MAP4K3: variants seen among roughly 807,000 people sequenced by gnomAD.
MAP4K3 encodes the protein MAPK/ERK kinase kinase kinase 3.
In MAP4K3, 94 loss-of-function variants were observed where a neutral mutation model predicts 143.5. The observed-to-expected ratio is 0.65, with a 90% CI of 0.55 to 0.78. The LOEUF is 0.78. Among genes scored for constraint, MAP4K3 ranks in the 30% least tolerant of loss-of-function variants. MAP4K3 has a pLI of 0.00. For synonymous variants in MAP4K3, 416 were observed against 347.2 expected, an observed-to-expected ratio of 1.20 and a Z score of -2.20; for missense variants, 1,077 against 1,068.1, an observed-to-expected ratio of 1.01 and a Z score of -0.12.
At chr2:39,427,346 C>G (rs866314622) in intron 1 of MAP4K3, among the ~76,000 whole-genome samples, 2 of 151,998 alleles carry the variant, frequency 1.3e-5, no homozygotes, top group South Asian at 2.1e-4. Context: ...AAAATCCTAC[C>G]AAATACAGCT....
intron 27 of MAP4K3, 50 bp from the exon 28 acceptor site, chr2:39,265,356 T>G (rs990293342): frequency 9.5e-7 from 1 of 1,050,946 alleles, no homozygotes; most frequent in Admixed American, 1.9e-5. Context: ...AAAGTCATTA[T>G]GACAATAATT....
At chr2:39,395,656 G>A (rs1666784894) in intron 1 of MAP4K3, among the ~76,000 whole-genome samples, 2 of 152,106 alleles carry the variant, frequency 1.3e-5, no homozygotes, top group East Asian at 3.9e-4. Context: ...ACCATTTACT[G>A]TGACATAACA....
chr2:39,435,760 G>A (rs1488467828), intron 1 of MAP4K3, among the ~76,000 whole-genome samples: 2 of 152,174 alleles, frequency 1.3e-5, no homozygotes, highest in African/African-American at 4.8e-5. Flanking sequence ...TACATTGTAG[G>A]TGGGCTCAAT....
intron 15 of MAP4K3, among the ~76,000 whole-genome samples, chr2:39,302,857 C>A (rs1483214832): frequency 2.6e-5 from 4 of 152,178 alleles, no homozygotes; most frequent in Admixed American, 6.5e-5. Context: ...ATTAAAATAT[C>A]TTTTTGGGTT....
intron 1 of MAP4K3, among the ~76,000 whole-genome samples, chr2:39,418,733 A>C (rs1017850478): frequency 1.3e-5 from 2 of 152,180 alleles, no homozygotes; most frequent in Non-Finnish European, 2.9e-5. Flanking sequence ...CATGAGAAAA[A>C]AAAAAACAAA....
chr2:39,262,351 C>T (rs910186215), intron 28 of MAP4K3, among the ~76,000 whole-genome samples: 16 of 152,148 alleles, frequency 1.1e-4, no homozygotes, highest in African/African-American at 3.4e-4. Flanking sequence ...CGGGCACAGA[C>T]ACTTCATCAA....
chr2:39,335,672 C>T (rs983644067), intron 6 of MAP4K3, among the ~76,000 whole-genome samples: 2 of 152,184 alleles, frequency 1.3e-5, no homozygotes, highest in Non-Finnish European at 2.9e-5. Flanking sequence ...CATCTACATG[C>T]CAATGACACA....
chr2:39,387,611 C>A (rs181600817), intron 1 of MAP4K3, among the ~76,000 whole-genome samples: 7 of 152,272 alleles, frequency 4.6e-5, no homozygotes, highest in Non-Finnish European at 1.5e-5. Flanking sequence ...GCATGCAGGA[C>A]TTTGGGCATA....
At chr2:39,372,873 G>A (rs1347411333) in intron 2 of MAP4K3, among the ~76,000 whole-genome samples, 1 of 152,140 alleles carries the variant, frequency 6.6e-6, no homozygotes, top group Non-Finnish European at 1.5e-5. Context: ...CATGACACTG[G>A]TGTGGGCAAA....
chr2:39,381,335 C>A (rs1424389986), intron 1 of MAP4K3, among the ~76,000 whole-genome samples: 1 of 152,064 alleles, frequency 6.6e-6, no homozygotes, highest in African/African-American at 2.4e-5. Context: ...ATTTTAAATT[C>A]TTTTTAAATT....
At chr2:39,368,875 AT>A (rs1419706273) in intron 2 of MAP4K3, among the ~76,000 whole-genome samples, 1 of 152,188 alleles carries the variant, frequency 6.6e-6, no homozygotes, top group Non-Finnish European at 1.5e-5. Flanking sequence ...AGTTTCTAAA[AT>A]CAAAACAACA....
intron 2 of MAP4K3, among the ~76,000 whole-genome samples, chr2:39,366,853 C>A (rs1284985374): frequency 6.6e-6 from 1 of 152,108 alleles, no homozygotes; most frequent in Non-Finnish European, 1.5e-5. Flanking sequence ...GTAATTACAA[C>A]ATAAAATTAG....
At chr2:39,333,995 G>GTGTA (rs1683776033) in intron 6 of MAP4K3, among the ~76,000 whole-genome samples, 1 of 144,322 alleles carries the variant, frequency 6.9e-6, no homozygotes, top group Non-Finnish European at 1.5e-5. Context: ...GTGTGTGTGT[G>GTGTA]TGTGTTTTTA....
chr2:39,254,372 G>T, intron 32 of MAP4K3, 78 bp downstream of exon 32: 1 of 1,130,622 alleles, frequency 8.8e-7, no homozygotes, highest in Non-Finnish European at 1.3e-6. Context: ...AGCATTACTT[G>T]TATCATTTAG....
chr2:39,278,072 A>T (rs1681346768), intron 24 of MAP4K3, among the ~76,000 whole-genome samples: 1 of 151,438 alleles, frequency 6.6e-6, no homozygotes, highest in Non-Finnish European at 1.5e-5. Context: ...ACCTGAGGTC[A>T]GGAGTTCAAG....
At chr2:39,312,400 T>TC (rs3834154) in intron 13 of MAP4K3, among the ~76,000 whole-genome samples, 4,460 of 152,304 alleles carry the variant, frequency 0.029, 85 homozygotes, top group Non-Finnish European at 0.047. Context: ...AGTAAGAGCT[T>TC]CAGCCAAAAC....
Position 39,337,587 on chromosome 2 carries a change from AAAG to A in MAP4K3, c.311-9_311-7del. 6.2e-7 allele frequency: 1 copy of A among 1,601,230 alleles called. No homozygotes were observed. The highest frequency in any genetic ancestry group is 8.6e-7 in the Non-Finnish European group (1 of 1,168,844). On this transcript the variant is annotated splice_polypyrimidine_tract_variant and splice_region_variant and intron_variant, in intron 4 of 33. Transcript: ENST00000263881. ...TTCTGACAGAGGTCCAGTTACTGTA[AAAG>A]AAGACAATTAATACTCATAAAATTA...
intron 15 of MAP4K3, among the ~76,000 whole-genome samples, chr2:39,306,875 C>T (rs1260292086): frequency 1.3e-5 from 2 of 152,218 alleles, no homozygotes; most frequent in African/African-American, 4.8e-5. Context: ...CTCATCTCTA[C>T]AGTACCTATT....
intron 18 of MAP4K3, among the ~76,000 whole-genome samples, 196 bp downstream of exon 18, chr2:39,292,577 T>C (rs11124672): frequency 0.72 from 109,139 of 152,092 alleles, 43,819 homozygotes; most frequent in Non-Finnish European, 0.89. Flanking sequence ...TAAATTTCTG[T>C]TGTCTAAGTC....
Sources: gnomAD v4.1 joint callset for allele counts (sites outside exome capture counted in the v4.1 genomes callset) on GRCh38, gnomAD v4.1.1 for gene constraint, MANE v1.5 for transcripts, NCBI Gene and HGNC (gene_info 2026-07-23, HGNC 2026-07-21) for gene names.